The following LGR4 variants were observed in gnomAD, a reference collection of about 807,000 sequenced individuals.
LGR4 encodes the protein leucine rich repeat containing G protein-coupled receptor 4.
In LGR4, 44 loss-of-function variants were observed where a neutral mutation model predicts 84.8. The observed-to-expected ratio is 0.52, with a 90% CI of 0.41 to 0.67. LGR4 has a LOEUF of 0.67. Among genes scored for constraint, LGR4 ranks in the 30% least tolerant of loss-of-function variants. The pLI is 0.00. For missense variants in LGR4, 1,032 were observed against 1,131.4 expected (o/e 0.91, Z 1.26); for synonymous variants, 429 against 434.3 (o/e 0.99, Z 0.15).
intron 1 of LGR4, among the ~76,000 whole-genome samples, chr11:27,436,118 A>G (rs1310976537): frequency 5.3e-5 from 8 of 151,826 alleles, no homozygotes; most frequent in Middle Eastern, 3.4e-3. Context: ...TCACCGTGTT[A>G]GCCAGGATGG....
At chr11:27,423,899 C>T (rs1377032745) in intron 1 of LGR4, among the ~76,000 whole-genome samples, 1 of 152,140 alleles carries the variant, frequency 6.6e-6, no homozygotes. Context: ...AAACAACGTG[C>T]TACCATGAAA....
chr11:27,371,152 T>C (rs190458075), intron 17 of LGR4, among the ~76,000 whole-genome samples: 1 of 152,300 alleles, frequency 6.6e-6, no homozygotes, highest in East Asian at 1.9e-4. Context: ...AAATACATCT[T>C]CTCTAGTAGA....
rs922208652 is a variant in LGR4 at position 27,367,269 on chromosome 11, A to T, written c.*598T>A. ...CAGCTGTTAATATTGTTTTAAAAACATCTTCAGGTTTTAGATTTATAAATT... is the reference window on the plus strand; with the variant it reads ...CAGCTGTTAATATTGTTTTAAAAACTTCTTCAGGTTTTAGATTTATAAATT... On this transcript the variant is annotated 3_prime_UTR_variant, in exon 18 of 18. Coordinates refer to ENST00000379214, the MANE Select transcript of LGR4 (RefSeq NM_018490.5). 2 of 152,512 alleles carry T rather than the reference A, an allele frequency of 1.3e-5. No homozygotes were observed. Among genetic ancestry groups the T allele is most frequent in the African/African-American group, 4.8e-5 (2 of 41,464 alleles). 9.4% of individuals were successfully genotyped at this position (152,512 alleles called of 1,614,324 possible).
chr11:27,380,808 C>T (rs1165162640), intron 8 of LGR4, 87 bp downstream of exon 8: 8 of 1,169,140 alleles, frequency 6.8e-6, no homozygotes, highest in Non-Finnish European at 8.9e-6. Context: ...AAAATCCTGA[C>T]TTCTCATTCT....
At chr11:27,464,415 G>A (rs918206726) in intron 1 of LGR4, among the ~76,000 whole-genome samples, 4 of 152,194 alleles carry the variant, frequency 2.6e-5, no homozygotes, top group African/African-American at 7.2e-5. Flanking sequence ...TTGCCAGTTT[G>A]CAAACACACC....
intron 2 of LGR4, among the ~76,000 whole-genome samples, chr11:27,405,271 CA>C (rs1795775098): frequency 6.6e-6 from 1 of 152,162 alleles, no homozygotes; most frequent in South Asian, 2.1e-4. Context: ...TCTCCTCCCA[CA>C]GCTCCTGGGG....
At position 27,453,998 on chromosome 11, in the gene LGR4, T is replaced by C. The variant is rs576621327; in HGVS notation, c.185+18120A>G. The stretch of plus-strand genomic sequence containing the variant: ...CAGACCTGAAGACTTATAAGAAACA[T>C]TTATAATACAATCTATTCTCTTTGA... On this transcript the variant is annotated intron_variant, in intron 1 of 17. Coordinates refer to ENST00000379214, the MANE Select transcript of LGR4 (RefSeq NM_018490.5). 3.3e-5 allele frequency among the ~76,000 whole-genome samples: 5 copies of C among 152,284 alleles called. No homozygotes were observed. In the South Asian group the frequency reaches 1.0e-3, roughly 32 times the overall value.
At chr11:27,464,793 C>T (rs1864747788) in intron 1 of LGR4, among the ~76,000 whole-genome samples, 1 of 152,026 alleles carries the variant, frequency 6.6e-6, no homozygotes, top group Admixed American at 6.5e-5. Context: ...TTCTGGATAT[C>T]GGGTTCTACA....
At chr11:27,469,755 C>T (rs1200726036) in intron 1 of LGR4, among the ~76,000 whole-genome samples, 1 of 152,140 alleles carries the variant, frequency 6.6e-6, no homozygotes, top group Non-Finnish European at 1.5e-5. Flanking sequence ...GGTGAACAAA[C>T]GCTTAGAGAC....
intron 2 of LGR4, among the ~76,000 whole-genome samples, chr11:27,402,682 C>G (rs1386634928): frequency 6.6e-6 from 1 of 152,208 alleles, no homozygotes; most frequent in African/African-American, 2.4e-5. Flanking sequence ...CCAGCATCCC[C>G]TGCCGTTTGG....
At chr11:27,369,745 T>C (rs1402593850) in intron 17 of LGR4, among the ~76,000 whole-genome samples, 1 of 152,158 alleles carries the variant, frequency 6.6e-6, no homozygotes, top group African/African-American at 2.4e-5. Flanking sequence ...TAATCATGTA[T>C]GTATATGTAT....
At chr11:27,393,011 C>A (rs1041955287) in intron 2 of LGR4, among the ~76,000 whole-genome samples, 22 of 152,100 alleles carry the variant, frequency 1.4e-4, no homozygotes, top group African/African-American at 5.3e-4. Context: ...AAGTGTGAGT[C>A]ATTGAAAGCA....
At chr11:27,371,188 C>CAAAT (rs958272907) in intron 17 of LGR4, among the ~76,000 whole-genome samples, 2 of 152,090 alleles carry the variant, frequency 1.3e-5, no homozygotes, top group African/African-American at 4.8e-5. Flanking sequence ...CAATCATGAC[C>CAAAT]AAATATGTGG....
At chr11:27,446,605 A>T (rs1338338973) in intron 1 of LGR4, among the ~76,000 whole-genome samples, 1 of 152,228 alleles carries the variant, frequency 6.6e-6, no homozygotes, top group Non-Finnish European at 1.5e-5. Context: ...AACTAGTTCA[A>T]CCATTGTGGA....
At chr11:27,401,884 A>G (rs1863510890) in intron 2 of LGR4, among the ~76,000 whole-genome samples, 1 of 152,194 alleles carries the variant, frequency 6.6e-6, no homozygotes, top group Non-Finnish European at 1.5e-5. Context: ...ACACTGACAC[A>G]CTTGAAGCAC....
chr11:27,430,033 G>A (rs895122665), intron 1 of LGR4, among the ~76,000 whole-genome samples: 1 of 151,698 alleles, frequency 6.6e-6, no homozygotes, highest in Non-Finnish European at 1.5e-5. Flanking sequence ...ACATCTGTGA[G>A]TACTTGGCAT....
chr11:27,385,660 T>A (rs538626747), intron 4 of LGR4, 192 bp from the exon 5 acceptor site: 1 of 406,984 alleles, frequency 2.5e-6, no homozygotes, highest in South Asian at 9.4e-5. Flanking sequence ...GTTCTTTCTC[T>A]TTCTTCATAA....
At chr11:27,459,783 C>G (rs1864649142) in intron 1 of LGR4, among the ~76,000 whole-genome samples, 1 of 150,606 alleles carries the variant, frequency 6.6e-6, no homozygotes, top group Non-Finnish European at 1.5e-5. Flanking sequence ...CTAGCAAATT[C>G]TTTTAACACA....
chr11:27,461,631 CAT>C (rs1491292547), intron 1 of LGR4, among the ~76,000 whole-genome samples: 2 of 139,868 alleles, frequency 1.4e-5, no homozygotes, highest in Non-Finnish European at 3.1e-5. Flanking sequence ...TTTTTCTGCA[CAT>C]TTTTTTTTTT....
Sources: gnomAD v4.1 joint callset for allele counts (sites outside exome capture counted in the v4.1 genomes callset) on GRCh38, gnomAD v4.1.1 for gene constraint, MANE v1.5 for transcripts, NCBI Gene and HGNC (gene_info 2026-07-23, HGNC 2026-07-21) for gene names.